GAK: variants seen among roughly 807,000 people sequenced by gnomAD.
GAK encodes cyclin-G-associated kinase.
In GAK, 79 loss-of-function variants were observed where a neutral mutation model predicts 143.9. The observed-to-expected ratio is 0.55, with a 90% CI of 0.46 to 0.66. The LOEUF is 0.66. GAK is among the 30% of genes least tolerant of loss of function. The probability of loss-of-function intolerance (pLI) is 0.00; values close to 1 mark genes in which losing one functional copy is unlikely to be tolerated. For synonymous variants in GAK, 881 were observed against 765.5 expected (o/e 1.15, Z -2.49); for missense variants, 1,693 against 1,779.7 (o/e 0.95, Z 0.88).
At chr4:903,658 C>A (rs143570323) in intron 5 of GAK, among the ~76,000 whole-genome samples, 2 of 121,870 alleles carry the variant, frequency 1.6e-5, no homozygotes, top group African/African-American at 6.4e-5. Context: ...GAGGAAGGAG[C>A]GTGGGGTGAG....
At position 856,711 on chromosome 4, in the gene GAK, CCACCACAGCTGCT is replaced by C. The variant is rs367892788; in HGVS notation, c.3283+2882_3283+2894del. Among the ~76,000 whole-genome samples the C allele has an allele frequency of 3.2e-3, 482 of 149,218 alleles. 2 individuals carry two copies. The highest frequency in any genetic ancestry group is 0.01 in the African/African-American group (419 of 40,638). On this transcript the variant is annotated intron_variant, in intron 24 of 27. Coordinates refer to ENST00000314167, the MANE Select transcript of GAK (RefSeq NM_005255.4). ...CACCACAGCTGCCCACATTTGCTCA[CCACCACAGCTGCT>C]CACCACAGCTGCTCACCACCACAGC...
chr4:854,231 G>T (rs931586999), intron 24 of GAK, among the ~76,000 whole-genome samples: 13 of 152,052 alleles, frequency 8.5e-5, no homozygotes, highest in African/African-American at 3.1e-4. Context: ...GTGAACAAAG[G>T]TCTCTGGTTT....
At chr4:866,860 G>T in intron 21 of GAK, 96 bp downstream of exon 21, 1 of 980,664 alleles carries the variant, frequency 1.0e-6, no homozygotes, top group Non-Finnish European at 1.5e-6. Flanking sequence ...TTCCCTTCCT[G>T]CAAGCACCTT....
At chr4:889,616 C>T (rs755760920) in intron 10 of GAK, among the ~76,000 whole-genome samples, 3 of 152,182 alleles carry the variant, frequency 2.0e-5, no homozygotes, top group Admixed American at 6.5e-5. Flanking sequence ...CCACACTGCA[C>T]GGACCGGGGT....
intron 1 of GAK, among the ~76,000 whole-genome samples, chr4:922,245 T>C (rs1169619521): frequency 6.6e-6 from 1 of 151,934 alleles, no homozygotes; most frequent in African/African-American, 2.4e-5. Flanking sequence ...CCGGGCGCGG[T>C]GGCTCAGGCC....
At chr4:923,698 G>T (rs1414020025) in intron 1 of GAK, among the ~76,000 whole-genome samples, 1 of 151,870 alleles carries the variant, frequency 6.6e-6, no homozygotes, top group South Asian at 2.1e-4. Flanking sequence ...GGAGGGGTGG[G>T]GAGTGGAGGC....
intron 1 of GAK, among the ~76,000 whole-genome samples, chr4:924,808 AT>A (rs2152973389): frequency 7.0e-6 from 1 of 142,330 alleles, no homozygotes; most frequent in South Asian, 2.5e-4. Context: ...GTGAGATCTG[AT>A]TGGGTCGTGG....
chr4:903,598 G>C (rs1017749253), intron 5 of GAK, among the ~76,000 whole-genome samples: 9 of 150,332 alleles, frequency 6.0e-5, no homozygotes, highest in African/African-American at 2.0e-4. Flanking sequence ...TGAGGAAGGA[G>C]CGTGGGATGA....
chr4:929,370 T>C (rs1000407599), intron 1 of GAK, among the ~76,000 whole-genome samples: 1 of 152,214 alleles, frequency 6.6e-6, no homozygotes, highest in Non-Finnish European at 1.5e-5. Flanking sequence ...TCTGCCTCAA[T>C]TTATCTCACT....
chr4:903,714 GGC>G lies in GAK; in HGVS notation c.525+921_525+922del, dbSNP rs1491264945. Among the ~76,000 whole-genome samples, 129 of 147,146 alleles carry G rather than the reference GGC, an allele frequency of 8.8e-4. 1 individual carries two copies. The highest frequency in any genetic ancestry group is 1.2e-3 in the African/African-American group (47 of 39,296). On this transcript the variant is annotated intron_variant, in intron 5 of 27. Coordinates refer to ENST00000314167, the MANE Select transcript of GAK (RefSeq NM_005255.4). ...TGACACCACCGGGGGGCGGTGGGGGGGCGGCCGAGGAAGGAGTGTGGGGTGAG... is the reference window on the plus strand; with the variant it reads ...TGACACCACCGGGGGGCGGTGGGGGGGGCCGAGGAAGGAGTGTGGGGTGAG...
intron 24 of GAK, 64 bp downstream of exon 24, chr4:859,538 CAGAT>C (rs1360347979): frequency 1.3e-6 from 2 of 1,591,132 alleles, no homozygotes; most frequent in Middle Eastern, 1.7e-4. Context: ...AGCTCAGAGT[CAGAT>C]AGACGAGAAT....
chr4:928,305 AC>A (rs1725164270), intron 1 of GAK, among the ~76,000 whole-genome samples: 1 of 152,142 alleles, frequency 6.6e-6, no homozygotes, highest in Admixed American at 6.5e-5. Context: ...TGATCTGCCC[AC>A]CTCGGCCTCC....
At chr4:878,556 T>C (rs1204604768) in intron 15 of GAK, among the ~76,000 whole-genome samples, 3 of 152,232 alleles carry the variant, frequency 2.0e-5, no homozygotes, top group Non-Finnish European at 2.9e-5. Flanking sequence ...TGTGTCAGCC[T>C]TCATGGGTTG....
In GAK at chr4:893,959, C is replaced by A; in HGVS notation, c.792G>T (p.Glu264Asp). The change falls in exon 8 of 28, where the codon GAG becomes GAT. Residue 264 changes from glutamate to aspartate, a missense_variant. By Grantham distance (45) the Glu-to-Asp change is conservative. This residue lies in a region of GAK where 871 missense variants were observed against 991.0 expected (regional missense o/e 0.88). Transcript: ENST00000314167. ...YLLCFRQHPF[E>D]DGAKLRIVNG... ...TGACTATTCGAAGTTTCGCTCCATC[C>A]TCAAAAGGGTGCTGCCGGAAGCACA... 2 of 1,612,794 alleles carry A rather than the reference C, an allele frequency of 1.2e-6. No homozygotes were observed. Among genetic ancestry groups the A allele is most frequent in the Non-Finnish European group, 1.7e-6 (2 of 1,179,680 alleles).
chr4:897,871 C>T (rs996030614), intron 6 of GAK, 162 bp downstream of exon 6: 2 of 703,974 alleles, frequency 2.8e-6, no homozygotes, highest in Non-Finnish European at 4.4e-6. Context: ...ATCGCTTGAA[C>T]CCAGGAGGCG....
chr4:867,438 A>C lies in GAK; in HGVS notation c.2396-6T>G, dbSNP rs1193630387. The C allele has an allele frequency of 6.6e-7, 1 of 1,514,026 alleles. No individual in the cohort carries two copies. The highest frequency in any genetic ancestry group is 8.9e-7 in the Non-Finnish European group (1 of 1,127,810). The allele number at this position is 1,514,026 out of a possible 1,614,324, so 93.8% of individuals were successfully genotyped here. A position where few individuals can be genotyped will look rare whatever the true frequency, so the allele number is the denominator to read the frequency against. On this transcript the variant is annotated splice_region_variant and splice_polypyrimidine_tract_variant and intron_variant, in intron 20 of 27. Transcript: ENST00000314167. ...AGTCTCTGCCTCCTTCTCTTCTGCG[A>C]AAAGGAAACAAAACCACAGGCTAGT... is the stretch of plus-strand genomic sequence containing the variant.
chr4:926,134 G>A lies in GAK; in HGVS notation c.145+5909C>T, dbSNP rs755804243. Among the ~76,000 whole-genome samples, 10 of 150,592 alleles carry A rather than the reference G, an allele frequency of 6.6e-5. No individual in the cohort carries two copies. In the East Asian group the frequency reaches 7.8e-4, roughly 12 times the overall value. The stretch of plus-strand genomic sequence containing the variant: ...GTCCTCCCTGGACAGTGACCTCCCC[G>A]AACGTCTAATTCACCCCAGGGGGTC... On this transcript the variant is annotated intron_variant, in intron 1 of 27. Transcript: ENST00000314167.
intron 19 of GAK, chr4:869,085 C>A (rs1577088921): frequency 1.1e-5 from 1 of 89,474 alleles, no homozygotes; most frequent in Non-Finnish European, 2.2e-5. Flanking sequence ...CACACGAATG[C>A]ACACACAGCA....
At chr4:866,648 C>A in intron 21 of GAK, 114 bp from the exon 22 acceptor site, 1 of 1,144,824 alleles carries the variant, frequency 8.7e-7, no homozygotes, top group Middle Eastern at 3.0e-4. Flanking sequence ...AGCCCAGACC[C>A]CACGGCTGCC....
Sources: allele counts gnomAD v4.1 joint callset (sites outside exome capture counted in the v4.1 genomes callset), GRCh38; gene constraint gnomAD v4.1.1; regional missense constraint gnomAD v4.1.1; transcripts MANE v1.5; gene names NCBI Gene and HGNC (gene_info 2026-07-23, HGNC 2026-07-21).